The following MAGI2 variants were observed in gnomAD, a reference collection of about 807,000 sequenced individuals.
The protein encoded by MAGI2 is membrane-associated guanylate kinase, WW and PDZ domain-containing protein 2.
In MAGI2, 35 loss-of-function variants were observed where a neutral mutation model predicts 133.3. The observed-to-expected ratio is 0.26, with a 90% CI of 0.20 to 0.35. The LOEUF is 0.35. MAGI2 is among the 10% of genes least tolerant of loss of function. The pLI is 1.00. For missense variants in MAGI2, 1,636 were observed against 1,863.4 expected (o/e 0.88, Z 2.25); for synonymous variants, 729 against 710.6 (o/e 1.03, Z -0.41).
intron 2 of MAGI2, among the ~76,000 whole-genome samples, chr7:78,947,171 A>G (rs1198862682): frequency 6.6e-6 from 1 of 152,096 alleles, no homozygotes; most frequent in Non-Finnish European, 1.5e-5. Context: ...CAAAAAAAAC[A>G]AACCAAAACA....
At chr7:78,846,190 G>GA (rs770833034) in intron 2 of MAGI2, among the ~76,000 whole-genome samples, 31 of 148,776 alleles carry the variant, frequency 2.1e-4, no homozygotes, top group Admixed American at 1.4e-3. Flanking sequence ...ATTTCAAAAA[G>GA]AAAAAAAAAT....
intron 9 of MAGI2, among the ~76,000 whole-genome samples, chr7:78,282,765 A>AGCTAGAAAACCCTATTGATTTCAAGCTTT (rs1795752086): frequency 1.3e-5 from 2 of 152,136 alleles, no homozygotes; most frequent in African/African-American, 4.8e-5. Flanking sequence ...TAAGATATTT[A>AGCTAGAAAACCCTATTGATTTCAAGCTTT]GCTAGAAAAC....
intron 2 of MAGI2, among the ~76,000 whole-genome samples, chr7:78,893,212 T>C (rs558495938): frequency 6.6e-6 from 1 of 151,990 alleles, no homozygotes; most frequent in African/African-American, 2.4e-5. Context: ...ATGGCAATCA[T>C]TAAAAAGTCA....
chr7:79,393,476 T>G (rs1257227354), intron 1 of MAGI2, among the ~76,000 whole-genome samples: 1 of 152,192 alleles, frequency 6.6e-6, no homozygotes, highest in African/African-American at 2.4e-5. Context: ...GATATGATTA[T>G]TCTGGGATGG....
At chr7:78,069,208 T>C (rs1417836480) in intron 21 of MAGI2, among the ~76,000 whole-genome samples, 3 of 152,072 alleles carry the variant, frequency 2.0e-5, no homozygotes, top group Non-Finnish European at 4.4e-5. Context: ...ACTCAAATAG[T>C]GGGAGGCCAT....
At chr7:78,435,687 C>G (rs1371953230) in intron 6 of MAGI2, among the ~76,000 whole-genome samples, 2 of 152,134 alleles carry the variant, frequency 1.3e-5, no homozygotes, top group African/African-American at 4.8e-5. Context: ...CCGAGAAAGG[C>G]TCCTGTTTCA....
intron 6 of MAGI2, among the ~76,000 whole-genome samples, chr7:78,457,787 A>C (rs1789476683): frequency 6.6e-6 from 1 of 152,196 alleles, no homozygotes; most frequent in Non-Finnish European, 1.5e-5. Flanking sequence ...AAATTGTCCC[A>C]GGGCACAGAC....
At chr7:79,009,385 T>C (rs1259799641) in intron 1 of MAGI2, among the ~76,000 whole-genome samples, 1 of 152,134 alleles carries the variant, frequency 6.6e-6, no homozygotes, top group Non-Finnish European at 1.5e-5. Flanking sequence ...CCTTCACTAA[T>C]TAAATGAGTT....
At chr7:79,058,286 T>C (rs1168855540) in intron 1 of MAGI2, among the ~76,000 whole-genome samples, 1 of 152,166 alleles carries the variant, frequency 6.6e-6, no homozygotes, top group African/African-American at 2.4e-5. Flanking sequence ...TTGCTCTCAG[T>C]AGAGTTACTT....
At position 78,196,159 on chromosome 7, in the gene MAGI2, T is replaced by C. The variant is rs1313057699; in HGVS notation, c.2080-1096A>G. Reference sequence around the variant, plus strand: ...TGCATACTTCATTTCTCTTTCTACATGTATTTTCCACTCTTCCTTCCCCTC... The same window carrying C: ...TGCATACTTCATTTCTCTTTCTACACGTATTTTCCACTCTTCCTTCCCCTC... On this transcript the variant is annotated intron_variant, in intron 11 of 21. Transcript: ENST00000354212. Among the ~76,000 whole-genome samples the C allele has an allele frequency of 3.9e-5, 6 of 152,126 alleles. No homozygotes were observed. The South Asian group carries it at 8.3e-4, about 21-fold the overall frequency.
intron 1 of MAGI2, chr7:79,125,464 G>T: frequency 2.0e-6 from 1 of 505,308 alleles, no homozygotes. Flanking sequence ...TTATGTTGGA[G>T]GCAGTCCTAG....
intron 15 of MAGI2, among the ~76,000 whole-genome samples, chr7:78,167,049 G>A (rs955069033): frequency 1.3e-5 from 2 of 152,002 alleles, no homozygotes; most frequent in Admixed American, 6.5e-5. Flanking sequence ...GGGCTATCAA[G>A]GGGTCAAGCA....
chr7:78,949,951 G>A (rs1239615375), intron 2 of MAGI2, among the ~76,000 whole-genome samples: 4 of 152,162 alleles, frequency 2.6e-5, no homozygotes, highest in Admixed American at 6.5e-5. Context: ...GTTTCTGGGA[G>A]ATACTGGCCT....
intron 3 of MAGI2, among the ~76,000 whole-genome samples, chr7:78,530,738 T>A (rs76405383): frequency 7.8e-6 from 1 of 128,160 alleles, no homozygotes; most frequent in Non-Finnish European, 1.9e-5. Flanking sequence ...TCCAATTTTC[T>A]TTTTTTTTTG....
intron 20 of MAGI2, among the ~76,000 whole-genome samples, chr7:78,091,852 T>G (rs1173724942): frequency 1.3e-5 from 2 of 152,218 alleles, no homozygotes; most frequent in African/African-American, 4.8e-5. Context: ...CTTTGGGACA[T>G]TGTTTGCAAA....
At chr7:78,939,287 C>A (rs1202935513) in intron 2 of MAGI2, among the ~76,000 whole-genome samples, 3 of 152,148 alleles carry the variant, frequency 2.0e-5, no homozygotes, top group African/African-American at 7.2e-5. Flanking sequence ...AGCCACTGCG[C>A]CTGGCCATAA....
chr7:78,865,401 G>C (rs1452723737), intron 2 of MAGI2, among the ~76,000 whole-genome samples: 5 of 152,148 alleles, frequency 3.3e-5, no homozygotes, highest in Admixed American at 3.3e-4. Context: ...GGGAAATATA[G>C]AGTTGGAATT....
chr7:78,682,286 C>T (rs940886628), intron 2 of MAGI2, among the ~76,000 whole-genome samples: 2 of 151,244 alleles, frequency 1.3e-5, no homozygotes, highest in Non-Finnish European at 3.0e-5. Flanking sequence ...AGATTTGTTA[C>T]ATAGGTATAC....
intron 1 of MAGI2, among the ~76,000 whole-genome samples, chr7:79,199,959 T>C (rs1381464099): frequency 6.6e-6 from 1 of 151,896 alleles, no homozygotes; most frequent in African/African-American, 2.4e-5. Flanking sequence ...AAGAAATATA[T>C]CACTAATTCT....
Sources: gnomAD v4.1 joint callset for allele counts (sites outside exome capture counted in the v4.1 genomes callset) on GRCh38, gnomAD v4.1.1 for gene constraint, MANE v1.5 for transcripts, NCBI Gene and HGNC (gene_info 2026-07-23, HGNC 2026-07-21) for gene names.